The following MDGA2 variants were observed in gnomAD, a reference collection of about 807,000 sequenced individuals.
MDGA2 encodes MAM domain-containing glycosylphosphatidylinositol anchor protein 2.
A neutral mutation model predicts 117.8 loss-of-function variants in MDGA2; 40 were observed. The observed-to-expected ratio is 0.34, with a 90% CI of 0.26 to 0.44. The LOEUF is 0.44. Among genes scored for constraint, MDGA2 ranks in the 20% least tolerant of loss-of-function variants. The pLI is 1.00. For synonymous variants in MDGA2, 452 were observed against 439.0 expected (o/e 1.03, Z -0.37); for missense variants, 1,123 against 1,250.6 (o/e 0.90, Z 1.54).
At chr14:47,611,437 G>A (rs1161230290) in intron 1 of MDGA2, among the ~76,000 whole-genome samples, 1 of 152,044 alleles carries the variant, frequency 6.6e-6, no homozygotes, top group Non-Finnish European at 1.5e-5. Flanking sequence ...CAGAGTGGGA[G>A]AAAATCTTCA....
intron 2 of MDGA2, among the ~76,000 whole-genome samples, chr14:47,250,975 T>TAG (rs1445390393): frequency 6.6e-6 from 1 of 152,208 alleles, no homozygotes; most frequent in Non-Finnish European, 1.5e-5. Context: ...AGTCACTTCT[T>TAG]ACTGGGTTGA....
At chr14:47,629,848 C>T (rs1221539282) in intron 1 of MDGA2, among the ~76,000 whole-genome samples, 1 of 152,106 alleles carries the variant, frequency 6.6e-6, no homozygotes, top group East Asian at 1.9e-4. Flanking sequence ...GCTTCTCAAA[C>T]ATTACTGTGA....
chr14:47,383,578 G>A (rs34624448), intron 1 of MDGA2, among the ~76,000 whole-genome samples: 1 of 151,998 alleles, frequency 6.6e-6, no homozygotes, highest in Non-Finnish European at 1.5e-5. Flanking sequence ...TCACTTTCTC[G>A]CCCAGGCTGG....
At chr14:47,099,947 T>A (rs1880207486) in intron 5 of MDGA2, among the ~76,000 whole-genome samples, 1 of 152,036 alleles carries the variant, frequency 6.6e-6, no homozygotes, top group Admixed American at 6.6e-5. Context: ...GGGTGCTTAA[T>A]AAATATTAGT....
intron 7 of MDGA2, among the ~76,000 whole-genome samples, chr14:47,041,350 T>TA (rs1214502794): frequency 3.3e-5 from 5 of 152,092 alleles, no homozygotes; most frequent in Non-Finnish European, 5.9e-5. Flanking sequence ...TCAAATTATT[T>TA]AAAAAAATTG....
chr14:47,180,509 A>G (rs1000074132), intron 3 of MDGA2, among the ~76,000 whole-genome samples: 3 of 152,022 alleles, frequency 2.0e-5, no homozygotes, highest in Non-Finnish European at 4.4e-5. Context: ...GCAAGGAAAA[A>G]CCCCATAAAA....
chr14:47,449,810 T>C (rs1318859378), intron 1 of MDGA2, among the ~76,000 whole-genome samples: 1 of 152,146 alleles, frequency 6.6e-6, no homozygotes, highest in Non-Finnish European at 1.5e-5. Flanking sequence ...CAGAATGTGC[T>C]TTCTTATGCA....
chr14:47,375,021 A>C (rs1891445566), intron 1 of MDGA2, among the ~76,000 whole-genome samples: 1 of 151,952 alleles, frequency 6.6e-6, no homozygotes, highest in African/African-American at 2.4e-5. Flanking sequence ...GGCTTATCTT[A>C]AATTCTGGCT....
At chr14:47,454,543 C>A (rs1893307220) in intron 1 of MDGA2, among the ~76,000 whole-genome samples, 1 of 152,004 alleles carries the variant, frequency 6.6e-6, no homozygotes, top group African/African-American at 2.4e-5. Flanking sequence ...ATTATTCATT[C>A]TCTGTTTGTT....
chr14:47,320,286 G>A (rs552621713), intron 1 of MDGA2, among the ~76,000 whole-genome samples: 4 of 152,214 alleles, frequency 2.6e-5, no homozygotes, highest in Admixed American at 6.5e-5. Context: ...GGAAGCCAAG[G>A]CAGGAGGATC....
At chr14:46,940,639 A>AAAAAG (rs1884964305) in intron 9 of MDGA2, among the ~76,000 whole-genome samples, 3 of 151,430 alleles carry the variant, frequency 2.0e-5, no homozygotes. Flanking sequence ...AAAAAAAAAA[A>AAAAAG]GTTGAACTTA....
At chr14:47,000,331 ATT>A (rs1294294650) in intron 8 of MDGA2, among the ~76,000 whole-genome samples, 2 of 100,908 alleles carry the variant, frequency 2.0e-5, no homozygotes. Flanking sequence ...ATATATATAT[ATT>A]TATATATATA....
chr14:46,874,134 A>C lies in MDGA2; in HGVS notation c.2504T>G (p.Phe835Cys). The change falls in exon 13 of 17, where the codon TTT (phenylalanine) becomes TGT (cysteine). Residue 835 changes from phenylalanine to cysteine, a missense_variant. Transcript: ENST00000399232. ...TGCTGTACTTTGCTTTGTCCAGTCA[A>C]AATTATCTGTATCATCTTGAGTGAA... is the stretch of plus-strand genomic sequence containing the variant. ...CLFTQDDTDNFDWTKQSTATR... is the reference protein window; with the variant it reads ...CLFTQDDTDNCDWTKQSTATR... The C allele has an allele frequency of 6.5e-7, 1 of 1,544,794 alleles. No homozygotes were observed. The highest frequency in any genetic ancestry group is 8.7e-7 in the Non-Finnish European group (1 of 1,146,250).
Position 47,096,966 on chromosome 14 carries a change from T to C in MDGA2, c.1083A>G (p.Gly361=). ...GTLPEKTVLN[G]GTLTIPAITS... ...TGATGGCAGGTATGGTCAAAGTTCCTCCATTCAAAACAGTCTTTTCAGGCA... is the reference window on the plus strand; with the variant it reads ...TGATGGCAGGTATGGTCAAAGTTCCCCCATTCAAAACAGTCTTTTCAGGCA... Residue 361 remains glycine, a synonymous_variant, in exon 6 of 17, where the codon GGA becomes GGG. Coordinates refer to ENST00000399232, the MANE Select transcript of MDGA2 (RefSeq NM_001113498.3). The C allele has an allele frequency of 2.5e-6, 4 of 1,613,338 alleles. No individual in the cohort carries two copies. The highest frequency in any genetic ancestry group is 3.4e-6 in the Non-Finnish European group (4 of 1,179,514).
chr14:47,597,449 T>G (rs1162362913), intron 1 of MDGA2, among the ~76,000 whole-genome samples: 1 of 152,102 alleles, frequency 6.6e-6, no homozygotes, highest in Non-Finnish European at 1.5e-5. Flanking sequence ...ATAATGAACG[T>G]AAGTTAATAA....
At chr14:47,574,161 C>G (rs1035800599) in intron 1 of MDGA2, among the ~76,000 whole-genome samples, 2 of 152,100 alleles carry the variant, frequency 1.3e-5, no homozygotes, top group African/African-American at 4.8e-5. Flanking sequence ...AGGAAGAGAG[C>G]AGATTAAACC....
chr14:47,564,282 T>A (rs952839181), intron 1 of MDGA2, among the ~76,000 whole-genome samples: 1 of 152,186 alleles, frequency 6.6e-6, no homozygotes, highest in Non-Finnish European at 1.5e-5. Context: ...TTTTCTGAAT[T>A]TGACTGTTGA....
rs374271504 is a variant in MDGA2 at position 47,035,064 on chromosome 14, T to C, written c.1766A>G (p.Tyr589Cys). The change falls in exon 8 of 17, where the codon TAC (tyrosine) becomes TGC (cysteine). Residue 589 changes from tyrosine to cysteine, a missense_variant. By Grantham distance (194) the Tyr-to-Cys change is radical. Transcript: ENST00000399232. The stretch of plus-strand genomic sequence containing the variant: ...CCTTGGTTTCACGTTAAATCCATTG[T>C]ATTGGCTGGTCTGACATCTGTACAT... ...SGMYRCQTSQ[Y>C]NGFNVKPREA... The C allele has an allele frequency of 3.7e-6, 6 of 1,614,016 alleles. No homozygotes were observed. Among genetic ancestry groups the C allele is most frequent in the African/African-American group, 1.3e-5 (1 of 74,920 alleles).
intron 8 of MDGA2, among the ~76,000 whole-genome samples, chr14:46,987,710 G>T (rs1487264483): frequency 6.6e-6 from 1 of 152,042 alleles, no homozygotes; most frequent in Non-Finnish European, 1.5e-5. Context: ...TTGAAGGGAA[G>T]GGAATGACAG....
Sources: gnomAD v4.1 joint callset for allele counts (sites outside exome capture counted in the v4.1 genomes callset) on GRCh38, gnomAD v4.1.1 for gene constraint, MANE v1.5 for transcripts, NCBI Gene and HGNC (gene_info 2026-07-23, HGNC 2026-07-21) for gene names.